Variants in LPIN1 observed in about 807,000 individuals in gnomAD.
The protein encoded by LPIN1 is lipin 1.
In LPIN1, 71 loss-of-function variants were observed where a neutral mutation model predicts 107.5. The observed-to-expected ratio is 0.66, with a 90% CI of 0.55 to 0.80. The LOEUF (loss-of-function observed/expected upper bound fraction) is 0.80. LPIN1 is among the 30% of genes least tolerant of loss of function. The pLI, the probability that LPIN1 is intolerant of heterozygous loss-of-function variation, is 0.00. For missense variants in LPIN1, 1,043 were observed against 1,160.6 expected (o/e 0.90, Z 1.47); for synonymous variants, 445 against 452.6 (o/e 0.98, Z 0.21).
At chr2:11,715,974 C>T (rs1029883821) in intron 2 of LPIN1, among the ~76,000 whole-genome samples, 2 of 152,128 alleles carry the variant, frequency 1.3e-5, no homozygotes, top group African/African-American at 4.8e-5. Context: ...GAGAGTACAG[C>T]TATAGGGGTG....
intron 12 of LPIN1, among the ~76,000 whole-genome samples, chr2:11,788,959 G>A (rs985930432): frequency 2.6e-5 from 4 of 152,204 alleles, no homozygotes; most frequent in African/African-American, 7.2e-5. Context: ...GGGGAGAGTA[G>A]GTAAGTGGCC....
intron 1 of LPIN1, chr2:11,682,291 T>C (rs1167932660): frequency 6.6e-6 from 1 of 152,542 alleles, no homozygotes; most frequent in Non-Finnish European, 1.5e-5. Context: ...GATGTGACTT[T>C]TCTTAGTGAC....
At chr2:11,702,259 G>A (rs540136537) in intron 1 of LPIN1, among the ~76,000 whole-genome samples, 5 of 152,310 alleles carry the variant, frequency 3.3e-5, no homozygotes, top group Admixed American at 2.0e-4. Flanking sequence ...CAGGGTAAAC[G>A]GGCTTAGGGC....
Position 11,815,116 on chromosome 2 carries a change from G to T in LPIN1, c.2278G>T (p.Ala760Ser), listed in dbSNP as rs2148722424. The change falls in exon 18 of 21, where the codon GCC (alanine) becomes TCC (serine). Residue 760 changes from alanine to serine, a missense_variant. Ala to Ser is a moderately conservative substitution (Grantham distance 99). Transcript: ENST00000674199. Reference protein sequence around the residue: ...QNGYKFLYCSARAIGMADMTR... With the variant: ...QNGYKFLYCSSRAIGMADMTR... ...TGGATATAAATTTCTCTACTGTTCTGCCCGTGCCATCGGGATGGCGGACAT... is the reference window on the plus strand; with the variant it reads ...TGGATATAAATTTCTCTACTGTTCTTCCCGTGCCATCGGGATGGCGGACAT... 1.2e-6 allele frequency: 2 copies of T among 1,614,152 alleles called. No individual in the cohort carries two copies. The highest frequency in any genetic ancestry group is 8.5e-7 in the Non-Finnish European group (1 of 1,180,010).
At chr2:11,777,009 G>C (rs1321784221) in intron 6 of LPIN1, among the ~76,000 whole-genome samples, 1 of 152,216 alleles carries the variant, frequency 6.6e-6, no homozygotes, top group African/African-American at 2.4e-5. Flanking sequence ...AAACTAACTA[G>C]CCTTATTGGG....
rs543059072 is a variant in LPIN1 at position 11,687,083 on chromosome 2, G to A, written c.81+9355G>A. Among the ~76,000 whole-genome samples the A allele has an allele frequency of 4.3e-5, 6 of 140,180 alleles. No homozygotes were observed. In the South Asian group the frequency reaches 9.0e-4, roughly 21 times the overall value. 92.0% of individuals were successfully genotyped at this position (140,180 alleles called of 152,430 possible). ...CGTGATCACAGCTCACTGCAGCCTC[G>A]AATTCCTGGGCTCAAGTGGTCCTCC... On this transcript the variant is annotated intron_variant, in intron 1 of 21. Coordinates refer to the LPIN1 transcript ENST00000449576.
chr2:11,784,429 G>T, intron 9 of LPIN1: 15 of 1,118,062 alleles, frequency 1.3e-5, no homozygotes, highest in Non-Finnish European at 1.6e-5. Flanking sequence ...CTGGACAGGG[G>T]CGCAGCACCG....
At chr2:11,822,581 A>C (rs1274400530) in intron 20 of LPIN1, among the ~76,000 whole-genome samples, 1 of 152,188 alleles carries the variant, frequency 6.6e-6, no homozygotes, top group African/African-American at 2.4e-5. Context: ...TCCCCCTTAT[A>C]AAACCATCAG....
chr2:11,701,778 C>T (rs926818358), intron 1 of LPIN1, among the ~76,000 whole-genome samples: 3 of 152,124 alleles, frequency 2.0e-5, no homozygotes, highest in Admixed American at 6.5e-5. Flanking sequence ...TTAACCAGTC[C>T]GATTCTAAAG....
intron 10 of LPIN1, among the ~76,000 whole-genome samples, chr2:11,785,441 C>G (rs1344460822): frequency 6.6e-6 from 1 of 152,088 alleles, no homozygotes; most frequent in Non-Finnish European, 1.5e-5. Flanking sequence ...CTGAGTTTGT[C>G]GGAGGAGGGC....
At chr2:11,688,078 AG>A (rs1662095975) in intron 1 of LPIN1, among the ~76,000 whole-genome samples, 1 of 152,222 alleles carries the variant, frequency 6.6e-6, no homozygotes, top group Non-Finnish European at 1.5e-5. Context: ...GTGGTGGCCC[AG>A]GGAGTTGAGC....
intron 1 of LPIN1, among the ~76,000 whole-genome samples, chr2:11,730,549 C>G (rs911007472): frequency 2.0e-5 from 3 of 152,162 alleles, no homozygotes; most frequent in African/African-American, 7.2e-5. Flanking sequence ...GTTCTTTTTG[C>G]CTTTTTCTTC....
In LPIN1 at chr2:11,788,405, A is replaced by G; in HGVS notation, c.1662A>G (p.Thr554=). 2 of 1,613,942 alleles carry G rather than the reference A, an allele frequency of 1.2e-6. No individual in the cohort carries two copies. The highest frequency in any genetic ancestry group is 1.7e-6 in the Non-Finnish European group (2 of 1,179,766). Residue 554 remains threonine, a synonymous_variant, in exon 12 of 21, where the codon ACA becomes ACG. Coordinates refer to ENST00000674199, the MANE Select transcript of LPIN1 (RefSeq NM_001349206.2). The part of the protein sequence containing the change: ...KIGSKYYNWT[T]AAPLLLAMQA... ...GTGTTAGATATTATAACTGGACAAC[A>G]GCAGCACCCCTCCTCCTGGCAATGC...
Position 11,823,883 on chromosome 2 carries a change from A to C in LPIN1, c.2622-749A>C, listed in dbSNP as rs575460258. Among the ~76,000 whole-genome samples the C allele has an allele frequency of 9.6e-4, 146 of 152,214 alleles. 1 individual carries two copies. Among genetic ancestry groups the C allele is most frequent in the Admixed American group, 2.6e-3 (40 of 15,290 alleles). On this transcript the variant is annotated intron_variant, in intron 20 of 20. Coordinates refer to ENST00000674199, the MANE Select transcript of LPIN1 (RefSeq NM_001349206.2). ...TCAGCTCCACAGACTATAAAGACGA[A>C]GGGCTCCAAGAGGGCAAGACAATTG...
intron 20 of LPIN1, among the ~76,000 whole-genome samples, chr2:11,822,852 G>T (rs568809752): frequency 1.4e-4 from 21 of 152,244 alleles, no homozygotes; most frequent in Non-Finnish European, 2.8e-4. Flanking sequence ...GGCCTCTGCG[G>T]TCATTGCATT....
Position 11,771,214 on chromosome 2 carries a change from C to T in LPIN1, c.289-158C>T, listed in dbSNP as rs919072425. Among the ~76,000 whole-genome samples, 9 of 152,210 alleles carry T rather than the reference C, an allele frequency of 5.9e-5. No individual in the cohort carries two copies. The highest frequency in any genetic ancestry group is 2.2e-4 in the African/African-American group (9 of 41,460). On this transcript the variant is annotated intron_variant, in intron 3 of 20. Transcript: ENST00000674199. This position sits in a 1 kb window ranked among gnomAD's most constrained non-coding sequence, Gnocchi z 4.8. ...CTACCAGATTGGGCAGCCACATCTC[C>T]AGGTCACCATGGCTGTGGCCTCTAG...
At chr2:11,681,405 A>G (rs2148499141) in intron 1 of LPIN1, 1 of 152,810 alleles carries the variant, frequency 6.5e-6, no homozygotes, top group South Asian at 2.0e-4. Context: ...GGTTAAAAGT[A>G]TGTAGCACCT....
intron 10 of LPIN1, 142 bp downstream of exon 10, chr2:11,785,218 A>C: frequency 1.5e-6 from 1 of 652,378 alleles, no homozygotes; most frequent in Non-Finnish European, 2.6e-6. Context: ...CACCGAACTC[A>C]TAATCCCGAT....
intron 4 of LPIN1, among the ~76,000 whole-genome samples, chr2:11,772,012 G>A (rs1671924197): frequency 6.6e-6 from 1 of 152,180 alleles, no homozygotes; most frequent in African/African-American, 2.4e-5. Flanking sequence ...CAACTAGACG[G>A]TCCCATCTTG....
Sources: allele counts gnomAD v4.1 joint callset (sites outside exome capture counted in the v4.1 genomes callset), GRCh38; gene constraint gnomAD v4.1.1; non-coding constraint Gnocchi (gnomAD v3.1); transcripts MANE v1.5; gene names NCBI Gene and HGNC (gene_info 2026-07-23, HGNC 2026-07-21).